The following LSAMP variants were observed in gnomAD, a reference collection of about 807,000 sequenced individuals.
LSAMP encodes the protein limbic system-associated membrane protein.
Under a neutral mutation model 38.6 loss-of-function variants are expected in LSAMP, and 7 were observed. That is an observed-to-expected ratio of 0.18 (90% CI 0.10 to 0.34). The LOEUF is 0.34. LSAMP is among the 10% of genes least tolerant of loss of function. The pLI, the probability that LSAMP is intolerant of heterozygous loss-of-function variation, is 1.00. For synonymous variants in LSAMP, 154 were observed against 166.8 expected (o/e 0.92, Z 0.59); for missense variants, 313 against 420.0 (o/e 0.75, Z 2.23).
Position 116,174,469 on chromosome 3 carries a change from T to C in LSAMP, c.156-87913A>G, listed in dbSNP as rs532286492. ...ATAGCAATCATAATAGCTATGTCTT[T>C]TATTGTGCTCATTCTTTTGGCCTAC... On this transcript the variant is annotated intron_variant, in intron 1 of 6. Transcript: ENST00000490035. Among the ~76,000 whole-genome samples the C allele has an allele frequency of 6.8e-4, 103 of 152,178 alleles. 1 individual carries two copies. Among genetic ancestry groups the C allele is most frequent in the Non-Finnish European group, 2.5e-4 (17 of 67,964 alleles).
chr3:116,161,786 A>T (rs1440582114), intron 1 of LSAMP, among the ~76,000 whole-genome samples: 1 of 152,090 alleles, frequency 6.6e-6, no homozygotes, highest in Non-Finnish European at 1.5e-5. Context: ...TCTTCTTCCA[A>T]AAAAAAGTTG....
intron 4 of LSAMP, among the ~76,000 whole-genome samples, chr3:115,851,799 C>T (rs1459804943): frequency 6.6e-6 from 1 of 152,130 alleles, no homozygotes; most frequent in Non-Finnish European, 1.5e-5. Flanking sequence ...TCTCTTTATT[C>T]CTTTGCTGGG....
chr3:115,887,357 T>C (rs933042515), intron 3 of LSAMP, among the ~76,000 whole-genome samples: 1 of 151,454 alleles, frequency 6.6e-6, no homozygotes, highest in Admixed American at 6.6e-5. Flanking sequence ...TTTTATCTTA[T>C]AATATGAAAT....
chr3:115,839,317 C>G (rs997218591), intron 6 of LSAMP, among the ~76,000 whole-genome samples: 1 of 127,284 alleles, frequency 7.9e-6, no homozygotes, highest in Non-Finnish European at 1.7e-5. Flanking sequence ...TTCCTTCCTT[C>G]CTTTTTTCCT....
At chr3:116,413,954 T>C (rs1284688932) in intron 1 of LSAMP, among the ~76,000 whole-genome samples, 2 of 151,722 alleles carry the variant, frequency 1.3e-5, no homozygotes, top group Non-Finnish European at 2.9e-5. Flanking sequence ...CAATCAGTCC[T>C]TTTTGTCCCT....
At chr3:116,138,899 T>C (rs1709311813) in intron 1 of LSAMP, among the ~76,000 whole-genome samples, 1 of 151,398 alleles carries the variant, frequency 6.6e-6, no homozygotes, top group African/African-American at 2.4e-5. Context: ...CAATCTATGG[T>C]TGTTGTTGAG....
chr3:116,200,827 C>T (rs1334452169), intron 1 of LSAMP, among the ~76,000 whole-genome samples: 1 of 152,164 alleles, frequency 6.6e-6, no homozygotes, highest in Non-Finnish European at 1.5e-5. Context: ...CTTGATGCTG[C>T]AGTGTTTTCC....
In LSAMP at chr3:115,810,096, G is replaced by C; in HGVS notation, c.*221C>G. The C allele has an allele frequency of 2.0e-6, 1 of 512,162 alleles. No individual in the cohort carries two copies. Among genetic ancestry groups the C allele is most frequent in the Non-Finnish European group, 3.5e-6 (1 of 288,256 alleles). 31.7% of individuals were successfully genotyped at this position (512,162 alleles called of 1,614,324 possible). A position where few individuals can be genotyped will look rare whatever the true frequency, so the allele number is the denominator to read the frequency against. On this transcript the variant is annotated 3_prime_UTR_variant, in exon 7 of 7. Coordinates refer to ENST00000490035, the MANE Select transcript of LSAMP (RefSeq NM_002338.5). ...ATCCCAGTAGAACCTTCTCCATCCT[G>C]AATGATACATAAATTTTTAATGATG...
intron 1 of LSAMP, among the ~76,000 whole-genome samples, chr3:116,271,568 G>C (rs2046973777): frequency 6.6e-6 from 1 of 152,060 alleles, no homozygotes; most frequent in Admixed American, 6.6e-5. Flanking sequence ...AACAAAACTG[G>C]ATTTTGTTAA....
chr3:115,917,641 C>CT (rs1397037815), intron 3 of LSAMP, among the ~76,000 whole-genome samples: 1,756 of 144,510 alleles, frequency 0.012, 18 homozygotes, highest in African/African-American at 0.028. Flanking sequence ...AATTAATGAC[C>CT]TTTTTTTTTT....
At chr3:116,275,790 C>T (rs2047043488) in intron 1 of LSAMP, among the ~76,000 whole-genome samples, 1 of 152,166 alleles carries the variant, frequency 6.6e-6, no homozygotes, top group South Asian at 2.1e-4. Flanking sequence ...TACTTCTCTT[C>T]TCCCAATTTG....
At chr3:116,199,052 A>G (rs1239715303) in intron 1 of LSAMP, among the ~76,000 whole-genome samples, 1 of 152,068 alleles carries the variant, frequency 6.6e-6, no homozygotes, top group Non-Finnish European at 1.5e-5. Flanking sequence ...TCACTGCACT[A>G]TAGCCTGTGT....
intron 1 of LSAMP, among the ~76,000 whole-genome samples, chr3:116,187,484 CTCT>C (rs1353695245): frequency 1.3e-5 from 2 of 152,136 alleles, no homozygotes; most frequent in African/African-American, 2.4e-5. Context: ...CTACTTTCCA[CTCT>C]TCTTTCTCAA....
At chr3:116,311,090 G>A (rs1471385157) in intron 1 of LSAMP, among the ~76,000 whole-genome samples, 3 of 151,970 alleles carry the variant, frequency 2.0e-5, no homozygotes, top group Non-Finnish European at 4.4e-5. Context: ...ATCACTTACA[G>A]AATTAGTAGG....
intron 1 of LSAMP, among the ~76,000 whole-genome samples, chr3:116,294,041 T>A (rs529098097): frequency 8.5e-5 from 13 of 152,184 alleles, no homozygotes; most frequent in African/African-American, 3.1e-4. Context: ...AAAGGATGAA[T>A]AAATGAATAA....
At chr3:116,180,676 A>G (rs921241926) in intron 1 of LSAMP, among the ~76,000 whole-genome samples, 5 of 152,186 alleles carry the variant, frequency 3.3e-5, no homozygotes, top group Non-Finnish European at 7.4e-5. Flanking sequence ...ATTTTGTTAC[A>G]TACAAAAGTT....
intron 3 of LSAMP, among the ~76,000 whole-genome samples, chr3:115,863,054 T>C (rs1935754303): frequency 6.6e-6 from 1 of 152,260 alleles, no homozygotes; most frequent in Non-Finnish European, 1.5e-5. Flanking sequence ...TCCACTGCTA[T>C]TTATGTTTCA....
intron 1 of LSAMP, among the ~76,000 whole-genome samples, chr3:116,233,241 G>A (rs568262628): frequency 5.9e-5 from 9 of 151,648 alleles, no homozygotes; most frequent in African/African-American, 1.9e-4. Context: ...GTGCAACCCC[G>A]TCTCTACTAA....
At chr3:116,251,273 C>A (rs564616261) in intron 1 of LSAMP, among the ~76,000 whole-genome samples, 157 of 152,308 alleles carry the variant, frequency 1.0e-3, no homozygotes, top group African/African-American at 3.6e-3. Flanking sequence ...TCCTCACTGG[C>A]ATTCTGTAAT....
Sources: gnomAD v4.1 joint callset for allele counts (sites outside exome capture counted in the v4.1 genomes callset) on GRCh38, gnomAD v4.1.1 for gene constraint, MANE v1.5 for transcripts, NCBI Gene and HGNC (gene_info 2026-07-23, HGNC 2026-07-21) for gene names.